The following PRDM16 variants were observed in gnomAD, a reference collection of about 807,000 sequenced individuals.
PRDM16 encodes the protein PR/SET domain 16, also known as histone-lysine N-methyltransferase PRDM16.
A neutral mutation model predicts 110.6 loss-of-function variants in PRDM16; 23 were observed. That is an observed-to-expected ratio of 0.21 (90% CI 0.15 to 0.29). PRDM16 has a LOEUF of 0.29. PRDM16 is among the 10% of genes least tolerant of loss of function. The probability of loss-of-function intolerance (pLI) is 1.00; values close to 1 mark genes in which losing one functional copy is unlikely to be tolerated. For synonymous variants in PRDM16, 799 were observed against 781.8 expected, an observed-to-expected ratio of 1.02 and a Z score of -0.37; for missense variants, 1,615 against 1,794.3, an observed-to-expected ratio of 0.90 and a Z score of 1.81.
chr1:3,154,434 G>A (rs2742658), intron 1 of PRDM16, among the ~76,000 whole-genome samples: 24,509 of 152,186 alleles, frequency 0.16, 2,087 homozygotes, highest in South Asian at 0.22. Flanking sequence ...GATGCCAGGT[G>A]GAGGCGTTGT....
intron 7 of PRDM16, 91 bp downstream of exon 7, chr1:3,404,977 A>G: frequency 1.4e-6 from 2 of 1,423,024 alleles, no homozygotes; most frequent in Admixed American, 4.7e-5. Context: ...CCCCTGGTCC[A>G]AATGTAGATG....
In PRDM16 at chr1:3,418,764, G is replaced by C; in HGVS notation, c.2939+20G>C. On this transcript the variant is annotated intron_variant, in intron 12 of 16. Transcript: ENST00000270722. ...GTACAGGTAGGTGCTGCGTGGGCTG[G>C]GTGTGGGGGCGGGGCCGCCTGCCTC... 1 of 1,605,496 alleles carries C rather than the reference G, an allele frequency of 6.2e-7. No individual in the cohort carries two copies. Among genetic ancestry groups the C allele is most frequent in the Non-Finnish European group, 8.5e-7 (1 of 1,172,538 alleles).
At chr1:3,186,544 G>A in intron 2 of PRDM16, 70 bp downstream of exon 2, 8 of 1,085,280 alleles carry the variant, frequency 7.4e-6, no homozygotes, top group Non-Finnish European at 1.0e-5. Flanking sequence ...TATAAAGCCG[G>A]GCTGAGCAGC....
At position 3,255,934 on chromosome 1, in the gene PRDM16, G is replaced by T. The variant is rs1640035545; in HGVS notation, c.438+11797G>T. On this transcript the variant is annotated intron_variant, in intron 3 of 16. Transcript: ENST00000270722. This position sits in a 1 kb window ranked among gnomAD's most constrained non-coding sequence, Gnocchi z 4.7. ...CACCGACACCTGAAGCCAATCCCGTGGCCACACCAACAGTACAGGGTGGAA... is the reference window on the plus strand; with the variant it reads ...CACCGACACCTGAAGCCAATCCCGTTGCCACACCAACAGTACAGGGTGGAA... Among the ~76,000 whole-genome samples the T allele has an allele frequency of 6.6e-6, 1 of 152,164 alleles. No homozygotes were observed. Among genetic ancestry groups the T allele is most frequent in the Non-Finnish European group, 1.5e-5 (1 of 68,034 alleles).
At chr1:3,367,596 C>T (rs1203338487) in intron 3 of PRDM16, among the ~76,000 whole-genome samples, 3 of 152,180 alleles carry the variant, frequency 2.0e-5, no homozygotes, top group African/African-American at 7.2e-5. Context: ...CTCAAGCGTC[C>T]ATTGTCCAAA....
Position 3,244,069 on chromosome 1 carries a change from C to T in PRDM16, c.388-18C>T, listed in dbSNP as rs773745247. Reference sequence around the variant, plus strand: ...GTTTTATCAGAAACTAACAACCCCTCTCAAAATTGTTTTGCAGCAAATACT... The same window carrying T: ...GTTTTATCAGAAACTAACAACCCCTTTCAAAATTGTTTTGCAGCAAATACT... On this transcript the variant is annotated intron_variant, in intron 2 of 16. Transcript: ENST00000270722. The surrounding 1 kb of genome is among the most constrained non-coding windows in gnomAD (Gnocchi z 4.1). 3.1e-5 allele frequency: 50 copies of T among 1,613,794 alleles called. No homozygotes were observed. The South Asian group carries it at 5.3e-4, about 17-fold the overall frequency.
rs1642465896 is a variant in PRDM16 at position 3,350,772 on chromosome 1, A to G, written c.439-34380A>G. Among the ~76,000 whole-genome samples, 1 of 151,926 alleles carries G rather than the reference A, an allele frequency of 6.6e-6. No individual in the cohort carries two copies. Among genetic ancestry groups the G allele is most frequent in the South Asian group, 2.1e-4 (1 of 4,816 alleles). Reference sequence around the variant, plus strand: ...CTTTGTGTCTGCCGACTTCTTCCCAATGCCGCGTCCAGTGTTTTCCTCTTT... The same window carrying G: ...CTTTGTGTCTGCCGACTTCTTCCCAGTGCCGCGTCCAGTGTTTTCCTCTTT... On this transcript the variant is annotated intron_variant, in intron 3 of 16. Coordinates refer to ENST00000270722, the MANE Select transcript of PRDM16 (RefSeq NM_022114.4). This position sits in a 1 kb window ranked among gnomAD's most constrained non-coding sequence, Gnocchi z 7.1.
At chr1:3,104,063 C>T (rs559387443) in intron 1 of PRDM16, among the ~76,000 whole-genome samples, 73 of 152,282 alleles carry the variant, frequency 4.8e-4, no homozygotes, top group African/African-American at 1.6e-3. Context: ...GCTCCTTGGC[C>T]GGGTAAAGGC....
At position 3,082,633 on chromosome 1, in the gene PRDM16, G is replaced by A. The variant is rs571044343; in HGVS notation, c.37+13337G>A. 1.1e-4 allele frequency among the ~76,000 whole-genome samples: 17 copies of A among 152,340 alleles called. No individual in the cohort carries two copies. In the East Asian group the frequency reaches 1.4e-3, roughly 12 times the overall value. On this transcript the variant is annotated intron_variant, in intron 1 of 16. Coordinates refer to ENST00000270722, the MANE Select transcript of PRDM16 (RefSeq NM_022114.4). ...GCCTCGGCTGGGTCAGGACAGAGCC[G>A]GGGTTGGGGGCCAATGCCCAGCAAC... is the stretch of plus-strand genomic sequence containing the variant.
At chr1:3,287,132 A>G (rs1173913412) in intron 3 of PRDM16, among the ~76,000 whole-genome samples, 2 of 152,220 alleles carry the variant, frequency 1.3e-5, no homozygotes, top group African/African-American at 4.8e-5. Flanking sequence ...CTGGGGCGGC[A>G]GCATGGACGC....
intron 1 of PRDM16, among the ~76,000 whole-genome samples, chr1:3,151,757 G>A (rs1003836732): frequency 5.3e-5 from 8 of 152,180 alleles, no homozygotes; most frequent in African/African-American, 1.9e-4. Flanking sequence ...ACGGCTCACT[G>A]TATTCTCCAC....
intron 3 of PRDM16, among the ~76,000 whole-genome samples, chr1:3,312,415 C>T (rs1410150061): frequency 6.6e-6 from 1 of 152,222 alleles, no homozygotes; most frequent in Non-Finnish European, 1.5e-5. Context: ...GGGCAGCAGG[C>T]AGCCCCCAGC....
At position 3,417,884 on chromosome 1, in the gene PRDM16, G is replaced by A. The variant is rs370768364; in HGVS notation, c.2748G>A (p.Ala916=). The part of the protein sequence containing the change: ...EKLESFAAMK[A]DSGSSLQPLP... ...TGGAGAGCTTTGCAGCCATGAAGGC[G>A]GACTCGGGCAGCTCCCTGCAGCCCC... The change falls in exon 11 of 17, where the codon GCG becomes GCA. Residue 916 remains alanine (A), a synonymous_variant. Transcript: ENST00000270722. 167 of 1,613,590 alleles carry A rather than the reference G, an allele frequency of 1.0e-4. 1 individual carries two copies. The highest frequency in any genetic ancestry group is 2.5e-4 in the East Asian group (11 of 44,888).
chr1:3,325,694 T>C (rs186471344), intron 3 of PRDM16, among the ~76,000 whole-genome samples: 1 of 152,174 alleles, frequency 6.6e-6, no homozygotes, highest in Admixed American at 6.6e-5. Flanking sequence ...TGAGGGAGAC[T>C]CTGTCCCCAG....
intron 3 of PRDM16, among the ~76,000 whole-genome samples, chr1:3,347,122 G>T (rs1218904903): frequency 6.6e-6 from 1 of 152,198 alleles, no homozygotes; most frequent in Non-Finnish European, 1.5e-5. Context: ...GGTGGAGGGG[G>T]TCAGTGTACA....
chr1:3,184,266 A>G (rs968557240), intron 1 of PRDM16, among the ~76,000 whole-genome samples: 2 of 152,220 alleles, frequency 1.3e-5, no homozygotes, highest in African/African-American at 4.8e-5. Flanking sequence ...TTTTGAAAGA[A>G]AGCATTTTGC....
intron 4 of PRDM16, among the ~76,000 whole-genome samples, chr1:3,386,251 A>G (rs996302557): frequency 4.0e-5 from 6 of 151,876 alleles, no homozygotes; most frequent in African/African-American, 1.4e-4. Context: ...AAAAAAGAAA[A>G]GGATCCCATG....
At chr1:3,432,265 C>A (rs886716467) in intron 16 of PRDM16, 125 bp downstream of exon 16, 5 of 752,570 alleles carry the variant, frequency 6.6e-6, no homozygotes, top group African/African-American at 1.7e-5. Context: ...AACGCCCCCA[C>A]GCTGCATCCT....
At chr1:3,357,305 C>T (rs1642626106) in intron 3 of PRDM16, among the ~76,000 whole-genome samples, 1 of 152,064 alleles carries the variant, frequency 6.6e-6, no homozygotes, top group African/African-American at 2.4e-5. Flanking sequence ...TGCATTCCTG[C>T]TCTTCATGGC....
Sources: allele counts gnomAD v4.1 joint callset (sites outside exome capture counted in the v4.1 genomes callset), GRCh38; gene constraint gnomAD v4.1.1; non-coding constraint Gnocchi (gnomAD v3.1); transcripts MANE v1.5; gene names NCBI Gene and HGNC (gene_info 2026-07-23, HGNC 2026-07-21).